C12orf42: variants seen among roughly 807,000 people sequenced by gnomAD.
C12orf42 encodes the protein chromosome 12 open reading frame 42, also known as uncharacterized protein C12orf42.
In C12orf42, 25 loss-of-function variants were observed where a neutral mutation model predicts 21.6. The ratio of observed to expected loss-of-function variants is 1.16; its 90% CI spans 0.84 to 1.62. The LOEUF (loss-of-function observed/expected upper bound fraction) is 1.62. C12orf42 is among the 40% of genes most tolerant of loss of function. The pLI, the probability that C12orf42 is intolerant of heterozygous loss-of-function variation, is 0.00. For synonymous variants in C12orf42, 174 were observed against 175.0 expected, an observed-to-expected ratio of 0.99 and a Z score of 0.05; for missense variants, 483 against 459.3, an observed-to-expected ratio of 1.05 and a Z score of -0.47.
the C12orf42 span, among the ~76,000 whole-genome samples, chr12:103,525,217 G>A: frequency 1.3e-5 from 2 of 151,984 alleles, no homozygotes; most frequent in African/African-American, 2.4e-5. Flanking sequence ...ATTGGGCGGG[G>A]GGAAGTCTCA....
the C12orf42 span, among the ~76,000 whole-genome samples, chr12:103,136,447 G>A: frequency 2.4e-4 from 37 of 152,184 alleles, no homozygotes; most frequent in African/African-American, 8.7e-4. Context: ...TTAATTGAAA[G>A]TGATCACACT....
chr12:103,059,632 T>G, the C12orf42 span, among the ~76,000 whole-genome samples: 1 of 152,132 alleles, frequency 6.6e-6, no homozygotes, highest in Admixed American at 6.5e-5. Context: ...TCCACCATGA[T>G]CAAGTCAGCT....
intron 4 of C12orf42, among the ~76,000 whole-genome samples, chr12:103,358,609 A>C (rs2137632440): frequency 6.7e-6 from 1 of 149,858 alleles, no homozygotes; most frequent in East Asian, 1.9e-4. Flanking sequence ...ATTGTTTCAA[A>C]CCAAAAAAAA....
chr12:103,185,632 C>T, the C12orf42 span, among the ~76,000 whole-genome samples: 1 of 151,994 alleles, frequency 6.6e-6, no homozygotes, highest in South Asian at 2.1e-4. Context: ...CTATAATTCC[C>T]ACATATTGTG....
chr12:103,302,424 G>T lies in C12orf42; in HGVS notation c.767C>A (p.Ala256Glu), dbSNP rs1195745086. ...TCTGCTTTGGATGTCGTCGGGGTGTGCCTGAGCGCCTGCTGGGACTGCCAT... is the reference window on the plus strand; with the variant it reads ...TCTGCTTTGGATGTCGTCGGGGTGTTCCTGAGCGCCTGCTGGGACTGCCAT... ...ERMAVPAGAQAHPDDIQSRLL... is the reference protein window; with the variant it reads ...ERMAVPAGAQEHPDDIQSRLL... The change falls in exon 6 of 6, where the codon GCA (alanine) becomes GAA (glutamate). Residue 256 changes from alanine (A) to glutamate (E), a missense_variant. Ala to Glu is a moderately radical substitution (Grantham distance 107). Coordinates refer to ENST00000548883, the MANE Select transcript of C12orf42 (RefSeq NM_198521.5). 8 of 1,613,930 alleles carry T rather than the reference G, an allele frequency of 5.0e-6. No individual in the cohort carries two copies. Among genetic ancestry groups the T allele is most frequent in the Non-Finnish European group, 6.8e-6 (8 of 1,179,866 alleles).
chr12:103,174,217 A>C, the C12orf42 span, among the ~76,000 whole-genome samples: 1 of 151,828 alleles, frequency 6.6e-6, no homozygotes, highest in Non-Finnish European at 1.5e-5. Flanking sequence ...AGGAATTCAG[A>C]AATTAAATGC....
At chr12:103,325,039 T>G (rs1004075027) in intron 4 of C12orf42, among the ~76,000 whole-genome samples, 6 of 152,108 alleles carry the variant, frequency 3.9e-5, no homozygotes, top group African/African-American at 1.2e-4. Context: ...ATAGTTGGGG[T>G]TGACTTCGAG....
the C12orf42 span, among the ~76,000 whole-genome samples, chr12:103,066,371 C>G: frequency 6.6e-6 from 1 of 152,272 alleles, no homozygotes; most frequent in Admixed American, 6.5e-5. Context: ...CTCAAATGCC[C>G]GTGGTCTCCA....
At chr12:103,099,822 T>C in the C12orf42 span, among the ~76,000 whole-genome samples, 2 of 152,116 alleles carry the variant, frequency 1.3e-5, no homozygotes, top group Non-Finnish European at 2.9e-5. Context: ...GCATGACGTT[T>C]TATAGACAAC....
At chr12:103,193,200 A>G in the C12orf42 span, among the ~76,000 whole-genome samples, 1 of 152,012 alleles carries the variant, frequency 6.6e-6, no homozygotes, top group African/African-American at 2.4e-5. Context: ...AACAAAAATA[A>G]AAACAACATA....
intron 2 of C12orf42, 199 bp downstream of exon 2, chr12:103,478,150 G>GA (rs11406758): frequency 0.017 from 8,480 of 495,194 alleles, 542 homozygotes; most frequent in African/African-American, 0.14. Flanking sequence ...CTAATAGTGG[G>GA]AAAAAAATAA....
rs1278145938 is a variant in C12orf42 at position 103,384,072 on chromosome 12, C to T, written c.148-15074G>A. 4.6e-5 allele frequency among the ~76,000 whole-genome samples: 7 copies of T among 152,282 alleles called. No individual in the cohort carries two copies. In the East Asian group the frequency reaches 1.3e-3, roughly 29 times the overall value. On this transcript the variant is annotated intron_variant, in intron 3 of 5. Coordinates refer to ENST00000548883, the MANE Select transcript of C12orf42 (RefSeq NM_198521.5). ...AGCGTTTTGAATGGTATTCATAGCA[C>T]TATTCAAAGTGTTGTTATTTGTCTT... is the stretch of plus-strand genomic sequence containing the variant.
At chr12:103,489,619 C>A (rs1003420645) in intron 1 of C12orf42, among the ~76,000 whole-genome samples, 1 of 152,196 alleles carries the variant, frequency 6.6e-6, no homozygotes, top group African/African-American at 2.4e-5. Flanking sequence ...GTTTGAGCTT[C>A]CCGGCTGCTT....
At chr12:103,248,347 G>A (rs1327909497) in intron 10 of C12orf42, among the ~76,000 whole-genome samples, 2 of 151,894 alleles carry the variant, frequency 1.3e-5, no homozygotes, top group Non-Finnish European at 2.9e-5. Context: ...AAACATTATG[G>A]CCTGATATTA....
At chr12:103,310,907 A>G (rs1285156987) in intron 4 of C12orf42, among the ~76,000 whole-genome samples, 1 of 152,222 alleles carries the variant, frequency 6.6e-6, no homozygotes, top group Non-Finnish European at 1.5e-5. Flanking sequence ...AAAACAAACA[A>G]CACTAGAACC....
chr12:103,125,873 A>G, the C12orf42 span, among the ~76,000 whole-genome samples: 1 of 152,208 alleles, frequency 6.6e-6, no homozygotes, highest in Admixed American at 6.5e-5. Flanking sequence ...TGCCAGAAAT[A>G]GAGTATGAGA....
chr12:103,066,012 G>A, the C12orf42 span, among the ~76,000 whole-genome samples: 76 of 152,266 alleles, frequency 5.0e-4, no homozygotes, highest in South Asian at 0.011. Flanking sequence ...GGTGTCAGTC[G>A]CAGATAGGGA....
At chr12:103,290,360 G>T (rs778115727) in intron 4 of C12orf42, among the ~76,000 whole-genome samples, 1 of 152,172 alleles carries the variant, frequency 6.6e-6, no homozygotes, top group Non-Finnish European at 1.5e-5. Context: ...GCTAAAGATT[G>T]CCTGGAAGGA....
the C12orf42 span, among the ~76,000 whole-genome samples, chr12:103,508,544 T>C: frequency 2.6e-5 from 4 of 152,218 alleles, no homozygotes; most frequent in African/African-American, 9.6e-5. Flanking sequence ...GGTGTTGTAA[T>C]TGTTCATACT....
Sources: gnomAD v4.1 joint callset for allele counts (sites outside exome capture counted in the v4.1 genomes callset) on GRCh38, gnomAD v4.1.1 for gene constraint, MANE v1.5 for transcripts, NCBI Gene and HGNC (gene_info 2026-07-23, HGNC 2026-07-21) for gene names.